The following GTF3C4 variants were observed in gnomAD, a reference collection of about 807,000 sequenced individuals.
The protein encoded by GTF3C4 is general transcription factor IIIC subunit 4.
In GTF3C4, 28 loss-of-function variants were observed where a neutral mutation model predicts 67.5. The ratio of observed to expected loss-of-function variants is 0.41; its 90% confidence interval spans 0.31 to 0.57. The LOEUF is 0.57. Among genes scored for constraint, GTF3C4 ranks in the 20% least tolerant of loss-of-function variants. The probability of loss-of-function intolerance (pLI) is 0.21; values close to 1 mark genes in which losing one functional copy is unlikely to be tolerated. For missense variants in GTF3C4, 831 were observed against 1,033.2 expected (o/e 0.80, Z 2.68); for synonymous variants, 409 against 393.0 (o/e 1.04, Z -0.48).
rs1290459438 is a variant in GTF3C4, at chr9:132,678,701, T to C, written c.1082T>C (p.Ile361Thr). The change falls in exon 2 of 5, where the codon ATC becomes ACC. Residue 361 changes from isoleucine (I) to threonine (T), a missense_variant. Physicochemically the swap from Ile to Thr is moderately conservative, Grantham distance 89. Transcript: ENST00000372146. The surrounding 1 kb of genome is among the most constrained non-coding windows in gnomAD (Gnocchi z 6.5). ...KGYFTLRQPV[I>T]LWKEMDQLPV... ...TATTTCACTTTAAGGCAGCCTGTTATCTTGTGGAAAGAAATGGACCAGTTA... is the reference window on the plus strand; with the variant it reads ...TATTTCACTTTAAGGCAGCCTGTTACCTTGTGGAAAGAAATGGACCAGTTA... The C allele has an allele frequency of 3.1e-6, 5 of 1,614,222 alleles. No homozygotes were observed. Among genetic ancestry groups the C allele is most frequent in the Non-Finnish European group, 2.5e-6 (3 of 1,180,020 alleles).
At position 132,694,687 on chromosome 9, in the gene GTF3C4, T is replaced by G. The variant is rs1836169687; in HGVS notation, c.*5742T>G. 1 of 152,208 alleles carries G rather than the reference T, an allele frequency of 6.6e-6. No individual in the cohort carries two copies. Among genetic ancestry groups the G allele is most frequent in the Non-Finnish European group, 1.5e-5 (1 of 68,042 alleles). 9.4% of individuals were successfully genotyped at this position (152,208 alleles called of 1,614,324 possible). A position where few individuals can be genotyped will look rare whatever the true frequency, so the allele number is the denominator to read the frequency against. On this transcript the variant is annotated 3_prime_UTR_variant, in exon 5 of 5. Coordinates refer to ENST00000372146, the MANE Select transcript of GTF3C4 (RefSeq NM_012204.4). ...GTTAAAAGGGTAACAGAACCTCTGT[T>G]TCTTTACCAAGTCGCTGGTTGGCCA...
chr9:132,673,809 T>C (rs754670091), intron 1 of GTF3C4, among the ~76,000 whole-genome samples: 30 of 152,204 alleles, frequency 2.0e-4, no homozygotes, highest in Non-Finnish European at 1.3e-4. Flanking sequence ...AGTTCAGACA[T>C]TAATTATCAG....
upstream of GTF3C4, chr9:132,670,244 C>G (rs747433685): frequency 3.3e-6 from 5 of 1,524,762 alleles, no homozygotes; most frequent in Middle Eastern, 1.8e-4. Flanking sequence ...CGAGATCCGG[C>G]GCCATCTCAC....
At chr9:132,687,072 A>T (rs950066155) in intron 3 of GTF3C4, among the ~76,000 whole-genome samples, 167 bp from the exon 4 acceptor site, 40 of 152,206 alleles carry the variant, frequency 2.6e-4, no homozygotes, top group Non-Finnish European at 1.2e-4. Context: ...TGGTTTGGCC[A>T]GCTTTGGTGC....
chr9:132,678,957 G>A lies in GTF3C4; in HGVS notation c.1338G>A (p.Lys446=). The A allele has an allele frequency of 1.2e-6, 2 of 1,614,228 alleles. No homozygotes were observed. The highest frequency in any genetic ancestry group is 1.7e-6 in the Non-Finnish European group (2 of 1,180,040). The change falls in exon 2 of 5, where the codon AAG becomes AAA. Residue 446 remains lysine (K), a synonymous_variant. Coordinates refer to ENST00000372146, the MANE Select transcript of GTF3C4 (RefSeq NM_012204.4). This position sits in a 1 kb window ranked among gnomAD's most constrained non-coding sequence, Gnocchi z 6.5. ...TCTATACTTGCTCCAGTGACGGAAA[G>A]GTGAGGCAGCTGATTCCCATTTTCA... ...GTVYTCSSDG[K]VRQLIPIFTD... is the part of the protein sequence containing the mutation.
In GTF3C4 at chr9:132,690,249, G is replaced by C. The variant is rs1156353595; in HGVS notation, c.*1304G>C. The C allele has an allele frequency of 2.6e-5, 4 of 152,342 alleles. No individual in the cohort carries two copies. Among genetic ancestry groups the C allele is most frequent in the African/African-American group, 9.6e-5 (4 of 41,454 alleles). The allele number at this position is 152,342 out of a possible 1,614,324, so 9.4% of individuals were successfully genotyped here. A position where few individuals can be genotyped will look rare whatever the true frequency, so the allele number is the denominator to read the frequency against. On this transcript the variant is annotated 3_prime_UTR_variant, in exon 5 of 5. Coordinates refer to ENST00000372146, the MANE Select transcript of GTF3C4 (RefSeq NM_012204.4). ...ACTTGAGGCCAGGAGTTCGAGACCA[G>C]CCTGGGCAATATGGCGAGACTCCGT...
In GTF3C4 at chr9:132,679,754, T is replaced by C; in HGVS notation, c.2135T>C (p.Leu712Pro). 6.2e-7 allele frequency: 1 copy of C among 1,613,394 alleles called. No individual in the cohort carries two copies. Among genetic ancestry groups the C allele is most frequent in the Non-Finnish European group, 8.5e-7 (1 of 1,179,418 alleles). Reference sequence around the variant, plus strand: ...AACACTAGCATCCCCACCCGCGGACTCTGTAACTTTTTAATGTCTGATGAA... The same window carrying C: ...AACACTAGCATCCCCACCCGCGGACCCTGTAACTTTTTAATGTCTGATGAA... ...TENTSIPTRG[L>P]CNFLMSDEEY... is the part of the protein sequence containing the mutation. Residue 712 changes from leucine to proline, a missense_variant, in exon 2 of 5, where the codon CTC (leucine) becomes CCC (proline). Physicochemically the swap from Leu to Pro is moderately conservative, Grantham distance 98. Around this residue, in one of 4 missense-constraint regions of GTF3C4, gnomAD observed 129 missense variants for 213.8 expected, o/e 0.60. Coordinates refer to ENST00000372146, the MANE Select transcript of GTF3C4 (RefSeq NM_012204.4). The surrounding 1 kb of genome is among the most constrained non-coding windows in gnomAD (Gnocchi z 5.9).
rs1423363075 is a variant in GTF3C4, at chr9:132,690,530, C to T, written c.*1585C>T. On this transcript the variant is annotated 3_prime_UTR_variant, in exon 5 of 5. Coordinates refer to ENST00000372146, the MANE Select transcript of GTF3C4 (RefSeq NM_012204.4). ...CCCCGCATTGATAGGTAGTGCAGAC[C>T]AGCCCTTGGAGGCACTTCTAAACAG... is the stretch of plus-strand genomic sequence containing the variant. The T allele has an allele frequency of 1.3e-5, 2 of 148,336 alleles. No homozygotes were observed. Among genetic ancestry groups the T allele is most frequent in the Non-Finnish European group, 3.0e-5 (2 of 67,328 alleles). The allele number at this position is 148,336 out of a possible 1,614,324, so 9.2% of individuals were successfully genotyped here.
At chr9:132,673,096 T>G (rs997893999) in intron 1 of GTF3C4, among the ~76,000 whole-genome samples, 1 of 152,034 alleles carries the variant, frequency 6.6e-6, no homozygotes, top group African/African-American at 2.4e-5. Context: ...GGCAGGAGAA[T>G]GGCGTGAATC....
intron 1 of GTF3C4, among the ~76,000 whole-genome samples, 157 bp downstream of exon 1, chr9:132,671,112 T>TAAA (rs113954882): frequency 7.0e-6 from 1 of 143,054 alleles, no homozygotes; most frequent in Admixed American, 6.9e-5. Flanking sequence ...TACCACAGCT[T>TAAA]AAAAAAAAAA....
intron 2 of GTF3C4, among the ~76,000 whole-genome samples, chr9:132,681,715 G>A (rs2130899129): frequency 6.6e-6 from 1 of 152,162 alleles, no homozygotes; most frequent in African/African-American, 2.4e-5. Context: ...TTGCTGCTTT[G>A]GAAGGACTAT....
At chr9:132,681,949 C>A (rs1835950965) in intron 2 of GTF3C4, among the ~76,000 whole-genome samples, 1 of 143,854 alleles carries the variant, frequency 7.0e-6, no homozygotes. Flanking sequence ...ATGGTGAGAC[C>A]CTGTCTCTAC....
Position 132,670,744 on chromosome 9 carries a change from T to G in GTF3C4, c.146T>G (p.Leu49Arg), listed in dbSNP as rs752623629. 1.9e-6 allele frequency: 3 copies of G among 1,552,878 alleles called. No individual in the cohort carries two copies. The African/African-American group carries it at 4.1e-5, about 21-fold the overall frequency. ...CCGGGGCCCAGCGCTGCATTCCGCC[T>G]CATGGTGACTCGGCGGGAGCCGGCC... ...AAPGPSAAFR[L>R]MVTRREPAVK... The change falls in exon 1 of 5, where the codon CTC becomes CGC. Residue 49 changes from leucine (L) to arginine (R), a missense_variant. This residue lies in a region of GTF3C4 where 237 missense variants were observed against 212.7 expected (regional missense o/e 1.11). Coordinates refer to ENST00000372146, the MANE Select transcript of GTF3C4 (RefSeq NM_012204.4).
Position 132,678,924 on chromosome 9 carries a change from TG to T in GTF3C4, c.1307del (p.Gly436GlufsTer12). Reference sequence around the variant, plus strand: ...TCTCCATGACTGCAGACAAACAGAATGGAACAGTCTATACTTGCTCCAGTGA... The same window carrying T: ...TCTCCATGACTGCAGACAAACAGAATGAACAGTCTATACTTGCTCCAGTGA... ...IVSMTADKQNGTVYTCSSDGK... is the reference protein window; with the variant it reads ...IVSMTADKQNXTVYTCSSDGK... On this transcript the variant is annotated frameshift_variant, in exon 2 of 5. Transcript: ENST00000372146. LOFTEE classifies it high-confidence loss of function. This position sits in a 1 kb window ranked among gnomAD's most constrained non-coding sequence, Gnocchi z 6.5. 1 of 1,614,226 alleles carries T rather than the reference TG, an allele frequency of 6.2e-7. No individual in the cohort carries two copies. Among genetic ancestry groups the T allele is most frequent in the Non-Finnish European group, 8.5e-7 (1 of 1,180,034 alleles).
chr9:132,675,737 A>G (rs1564354589), intron 1 of GTF3C4, among the ~76,000 whole-genome samples: 1 of 150,980 alleles, frequency 6.6e-6, no homozygotes, highest in Non-Finnish European at 1.5e-5. Context: ...TCAAGGGACA[A>G]TTAAAGGGAG....
Position 132,678,692 on chromosome 9 carries a change from A to C in GTF3C4, c.1073A>C (p.Gln358Pro). The change falls in exon 2 of 5, where the codon CAG becomes CCG. Residue 358 changes from glutamine (Q) to proline (P), a missense_variant. Gln to Pro is a moderately conservative substitution (Grantham distance 76). Coordinates refer to ENST00000372146, the MANE Select transcript of GTF3C4 (RefSeq NM_012204.4). The surrounding 1 kb of genome is among the most constrained non-coding windows in gnomAD (Gnocchi z 6.5). ...KAVKGYFTLR[Q>P]PVILWKEMDQ... is the part of the protein sequence containing the mutation. ...GTCAAAGGCTATTTCACTTTAAGGC[A>C]GCCTGTTATCTTGTGGAAAGAAATG... The C allele has an allele frequency of 6.2e-7, 1 of 1,614,210 alleles. No homozygotes were observed. The highest frequency in any genetic ancestry group is 8.5e-7 in the Non-Finnish European group (1 of 1,180,020).
chr9:132,685,002 C>A (rs1228851996), intron 3 of GTF3C4, among the ~76,000 whole-genome samples: 2 of 147,878 alleles, frequency 1.4e-5, no homozygotes, highest in South Asian at 2.1e-4. Flanking sequence ...ATGGTGGGCA[C>A]TAAATTTTTT....
chr9:132,675,210 A>G (rs562179982), intron 1 of GTF3C4, among the ~76,000 whole-genome samples: 5 of 152,310 alleles, frequency 3.3e-5, no homozygotes, highest in Non-Finnish European at 5.9e-5. Context: ...ATTTGCGCAC[A>G]CAGAGCTGGT....
At chr9:132,670,384 C>G, upstream of GTF3C4, 1 of 1,194,470 alleles carries the variant, frequency 8.4e-7, no homozygotes, top group Non-Finnish European at 1.1e-6. Context: ...TCGGGGCTCC[C>G]CGCTCGCTGT....
Sources: gnomAD v4.1 joint callset for allele counts (sites outside exome capture counted in the v4.1 genomes callset) on GRCh38, gnomAD v4.1.1 for gene constraint, gnomAD v4.1.1 regional missense constraint, Gnocchi (gnomAD v3.1) non-coding constraint, MANE v1.5 for transcripts, NCBI Gene and HGNC (gene_info 2026-07-23, HGNC 2026-07-21) for gene names.